Variants in TP63 observed in about 807,000 individuals in gnomAD.
TP63 encodes the protein tumor protein p63.
A neutral mutation model predicts 82.8 loss-of-function variants in TP63; 17 were observed. The ratio of observed to expected loss-of-function variants is 0.21; its 90% CI spans 0.14 to 0.31. The LOEUF (loss-of-function observed/expected upper bound fraction) is 0.31, where lower values mean the gene tolerates loss of function less well. TP63 is among the 10% of genes least tolerant of loss of function. The pLI, the probability that TP63 is intolerant of heterozygous loss-of-function variation, is 1.00. For missense variants in TP63, 648 were observed against 895.3 expected, an observed-to-expected ratio of 0.72 and a Z score of 3.52; for synonymous variants, 330 against 321.7, an observed-to-expected ratio of 1.03 and a Z score of -0.28.
At chr3:189,813,595 GT>G (rs1553846624) in intron 4 of TP63, among the ~76,000 whole-genome samples, 12 of 33,576 alleles carry the variant, frequency 3.6e-4, no homozygotes, top group African/African-American at 6.6e-4. Flanking sequence ...TCCTCAGGTT[GT>G]TTTTTTTTTT....
At position 189,763,036 on chromosome 3, in the gene TP63, C is replaced by T. The variant is rs146434044; in HGVS notation, c.324+24262C>T. 9.2e-3 allele frequency among the ~76,000 whole-genome samples: 1,397 copies of T among 152,114 alleles called. 16 individuals are homozygous for T. Among genetic ancestry groups the T allele is most frequent in the Middle Eastern group, 0.027 (8 of 292 alleles). On this transcript the variant is annotated intron_variant, in intron 3 of 13. Coordinates refer to ENST00000264731, the MANE Select transcript of TP63 (RefSeq NM_003722.5). ...CCATAATCCCAGCACTTTGGGAGGC[C>T]GAGGCAGGAGGATAGCTTGAGCTTG...
intron 1 of TP63, among the ~76,000 whole-genome samples, chr3:189,654,353 T>G (rs556276844): frequency 3.3e-5 from 5 of 151,692 alleles, no homozygotes; most frequent in Admixed American, 3.3e-4. Flanking sequence ...TGTGAAAAAA[T>G]CCATTTTCTT....
chr3:189,848,756 G>T (rs192136265), intron 4 of TP63, among the ~76,000 whole-genome samples: 33 of 152,274 alleles, frequency 2.2e-4, no homozygotes, highest in Admixed American at 2.2e-3. Context: ...GCAACCTTTA[G>T]AAATCATTTT....
At chr3:189,883,209 A>G (rs1471105329) in intron 10 of TP63, among the ~76,000 whole-genome samples, 1 of 152,162 alleles carries the variant, frequency 6.6e-6, no homozygotes, top group East Asian at 1.9e-4. Context: ...GTTGTTCTTC[A>G]AGGCTTTCAA....
At chr3:189,863,138 C>T (rs1438789493) in intron 4 of TP63, among the ~76,000 whole-genome samples, 3 of 152,172 alleles carry the variant, frequency 2.0e-5, no homozygotes, top group African/African-American at 7.2e-5. Flanking sequence ...CATCTTTCCT[C>T]TGGGAGGATG....
At chr3:189,788,397 C>G (rs1247203118) in intron 3 of TP63, among the ~76,000 whole-genome samples, 1 of 151,982 alleles carries the variant, frequency 6.6e-6, no homozygotes, top group African/African-American at 2.4e-5. Context: ...GGAGGCAAAT[C>G]CGAAGTCGTG....
At chr3:189,779,011 T>G (rs1233505234) in intron 3 of TP63, among the ~76,000 whole-genome samples, 1 of 152,160 alleles carries the variant, frequency 6.6e-6, no homozygotes, top group Non-Finnish European at 1.5e-5. Flanking sequence ...TTATATGACT[T>G]ATAATGAAGC....
chr3:189,699,432 G>T (rs925746192), intron 1 of TP63, among the ~76,000 whole-genome samples: 1 of 152,086 alleles, frequency 6.6e-6, no homozygotes, highest in African/African-American at 2.4e-5. Flanking sequence ...TAAAAGTTTG[G>T]ACATATTTTT....
At chr3:189,807,048 C>T (rs924106053) in intron 3 of TP63, among the ~76,000 whole-genome samples, 3 of 152,116 alleles carry the variant, frequency 2.0e-5, no homozygotes, top group Non-Finnish European at 4.4e-5. Context: ...AAAATATGTA[C>T]GAATAGGACT....
chr3:189,793,319 T>C (rs1457617229), intron 3 of TP63, among the ~76,000 whole-genome samples: 1 of 152,070 alleles, frequency 6.6e-6, no homozygotes, highest in Non-Finnish European at 1.5e-5. Context: ...GCAGTGATTC[T>C]CAACAGCATG....
chr3:189,849,678 A>G (rs1715377606), intron 4 of TP63, among the ~76,000 whole-genome samples: 1 of 151,980 alleles, frequency 6.6e-6, no homozygotes. Flanking sequence ...ATTTTTTTTA[A>G]TGTCAGTACT....
intron 4 of TP63, among the ~76,000 whole-genome samples, chr3:189,834,479 C>T (rs964291061): frequency 5.9e-5 from 9 of 152,130 alleles, no homozygotes; most frequent in East Asian, 3.8e-4. Flanking sequence ...TATGGACTCG[C>T]GTTTCCTCCT....
At chr3:189,612,414 T>G in the TP63 span, among the ~76,000 whole-genome samples, 1 of 152,174 alleles carries the variant, frequency 6.6e-6, no homozygotes, top group Non-Finnish European at 1.5e-5. Flanking sequence ...GCTGCTGCCA[T>G]GTAAGAAGTG....
At chr3:189,731,069 G>A (rs904882519) in intron 1 of TP63, among the ~76,000 whole-genome samples, 3 of 152,172 alleles carry the variant, frequency 2.0e-5, no homozygotes, top group Admixed American at 6.5e-5. Context: ...AGCACCAGGC[G>A]CTCTGGCTCA....
chr3:189,891,908 C>T (rs1294161027), intron 13 of TP63, among the ~76,000 whole-genome samples: 4 of 152,044 alleles, frequency 2.6e-5, no homozygotes, highest in Admixed American at 2.6e-4. Flanking sequence ...TTTTTTCCCC[C>T]TCCTTGAGCA....
chr3:189,852,242 C>T (rs1484033104), intron 4 of TP63, among the ~76,000 whole-genome samples: 1 of 152,182 alleles, frequency 6.6e-6, no homozygotes, highest in African/African-American at 2.4e-5. Flanking sequence ...TCCTTCACAA[C>T]AAAATTGGCC....
chr3:189,886,410 C>T lies in TP63; in HGVS notation c.1366C>T (p.Pro456Ser), dbSNP rs773649400. ...LLQKQTSIQS[P>S]SSYGNSSPPL... Reference sequence around the variant, plus strand: ...TCTTCCTAGGACCTCAATACAGTCTCCATCTTCATATGGTAACAGCTCCCC... The same window carrying T: ...TCTTCCTAGGACCTCAATACAGTCTTCATCTTCATATGGTAACAGCTCCCC... Residue 456 changes from proline to serine, a missense_variant, in exon 11 of 14, where the codon CCA (proline) becomes TCA (serine). Physicochemically the swap from Pro to Ser is moderately conservative, Grantham distance 74 (BLOSUM62 -1). This residue lies in a region of TP63 where 342 missense variants were observed against 425.7 expected (regional missense o/e 0.80). Transcript: ENST00000264731. The T allele has an allele frequency of 1.4e-5, 23 of 1,613,994 alleles. No individual in the cohort carries two copies. Among genetic ancestry groups the T allele is most frequent in the Non-Finnish European group, 1.8e-5 (21 of 1,180,006 alleles).
chr3:189,741,048 G>C lies in TP63; in HGVS notation c.324+2274G>C, dbSNP rs570389657. On this transcript the variant is annotated intron_variant, in intron 3 of 13. Transcript: ENST00000264731. ...AGGTCCCCATAGTAGGAGATTCGGA[G>C]AGAGCTAAAAGACAAAATGAAAACA... Among the ~76,000 whole-genome samples, 9 of 152,286 alleles carry C rather than the reference G, an allele frequency of 5.9e-5. No individual in the cohort carries two copies. In the South Asian group the frequency reaches 1.9e-3, roughly 32 times the overall value.
intron 1 of TP63, among the ~76,000 whole-genome samples, chr3:189,691,654 T>C (rs1378591365): frequency 6.6e-6 from 1 of 152,164 alleles, no homozygotes; most frequent in African/African-American, 2.4e-5. Context: ...TTTTCCTGTT[T>C]AAGCTTCAGG....
Sources: allele counts gnomAD v4.1 joint callset (sites outside exome capture counted in the v4.1 genomes callset), GRCh38; gene constraint gnomAD v4.1.1; regional missense constraint gnomAD v4.1.1; transcripts MANE v1.5; gene names NCBI Gene and HGNC (gene_info 2026-07-23, HGNC 2026-07-21).